The following NEK7 variants were observed in gnomAD, a reference collection of about 807,000 sequenced individuals.
NEK7 encodes serine/threonine-protein kinase Nek7.
Under a neutral mutation model 44.6 loss-of-function variants are expected in NEK7, and 18 were observed. The observed-to-expected ratio is 0.40, with a 90% CI of 0.28 to 0.60. The LOEUF (loss-of-function observed/expected upper bound fraction) is 0.60. Ranked by LOEUF, NEK7 falls within the 20% of genes least tolerant of loss-of-function variation. NEK7 has a pLI of 0.38. For missense variants in NEK7, 256 were observed against 366.5 expected (o/e 0.70, Z 2.46); for synonymous variants, 130 against 121.1 (o/e 1.07, Z -0.48).
intron 1 of NEK7, among the ~76,000 whole-genome samples, chr1:198,201,936 T>C (rs965382741): frequency 3.3e-5 from 5 of 152,214 alleles, no homozygotes; most frequent in African/African-American, 1.2e-4. Flanking sequence ...AACCCTTTGT[T>C]CAGCAATGGC....
At chr1:198,277,086 G>C (rs1455401142) in intron 5 of NEK7, among the ~76,000 whole-genome samples, 2 of 151,646 alleles carry the variant, frequency 1.3e-5, no homozygotes, top group African/African-American at 4.8e-5. Context: ...CTATTACAAT[G>C]CAATATTCAT....
intron 1 of NEK7, among the ~76,000 whole-genome samples, chr1:198,204,576 G>A (rs1213440869): frequency 6.6e-6 from 1 of 151,794 alleles, no homozygotes; most frequent in African/African-American, 2.4e-5. Flanking sequence ...AAAATTAGCC[G>A]GGCAAGGTGG....
intron 7 of NEK7, among the ~76,000 whole-genome samples, chr1:198,291,446 A>G (rs11580790): frequency 0.098 from 14,990 of 152,242 alleles, 1,035 homozygotes; most frequent in South Asian, 0.26. Context: ...CACAGTAATA[A>G]TACAGATTCT....
intron 2 of NEK7, among the ~76,000 whole-genome samples, chr1:198,250,855 A>G (rs539059979): frequency 9.3e-5 from 14 of 151,128 alleles, no homozygotes; most frequent in Admixed American, 7.3e-4. Flanking sequence ...CTCTTTTCCT[A>G]ATTGAATACC....
chr1:198,191,477 A>T (rs912912691), intron 1 of NEK7, among the ~76,000 whole-genome samples: 4 of 152,050 alleles, frequency 2.6e-5, no homozygotes, highest in African/African-American at 9.7e-5. Context: ...GTTAAAAAAA[A>T]TTAGGTTGAC....
chr1:198,228,832 C>A (rs1343728910), intron 1 of NEK7, among the ~76,000 whole-genome samples: 2 of 152,290 alleles, frequency 1.3e-5, no homozygotes, highest in Admixed American at 6.5e-5. Flanking sequence ...ATTTGACTTC[C>A]TCTTTTCCTA....
chr1:198,222,326 A>C (rs1666095471), intron 1 of NEK7, among the ~76,000 whole-genome samples: 1 of 152,164 alleles, frequency 6.6e-6, no homozygotes, highest in East Asian at 1.9e-4. Context: ...TAAACAACTA[A>C]TTGGTTTGAG....
At chr1:198,189,587 A>G (rs1339151393) in intron 1 of NEK7, among the ~76,000 whole-genome samples, 5 of 152,118 alleles carry the variant, frequency 3.3e-5, no homozygotes, top group Non-Finnish European at 7.4e-5. Flanking sequence ...ATATGTCATG[A>G]CCCACTTACA....
At chr1:198,301,346 C>G (rs371953044) in intron 9 of NEK7, among the ~76,000 whole-genome samples, 2 of 151,828 alleles carry the variant, frequency 1.3e-5, no homozygotes. Flanking sequence ...GTCAGGAGAT[C>G]GAGACCATCC....
chr1:198,311,794 G>C (rs1484155052), intron 9 of NEK7, among the ~76,000 whole-genome samples: 1 of 152,184 alleles, frequency 6.6e-6, no homozygotes, highest in African/African-American at 2.4e-5. Context: ...AAGCCCACTT[G>C]ATCATGGTGG....
chr1:198,200,124 A>G (rs1357398791), intron 1 of NEK7, among the ~76,000 whole-genome samples: 2 of 152,124 alleles, frequency 1.3e-5, no homozygotes, highest in African/African-American at 2.4e-5. Flanking sequence ...ACCTATTAAA[A>G]CCAATATTTA....
intron 5 of NEK7, among the ~76,000 whole-genome samples, chr1:198,267,583 A>G (rs1234669127): frequency 6.6e-6 from 1 of 152,002 alleles, no homozygotes; most frequent in East Asian, 1.9e-4. Flanking sequence ...AGCTAGGACT[A>G]CTGGTGTGCA....
rs184963453 is a variant in NEK7, at chr1:198,301,374, C to A, written c.798+4134C>A. On this transcript the variant is annotated intron_variant, in intron 9 of 9. Coordinates refer to ENST00000367385, the MANE Select transcript of NEK7 (RefSeq NM_133494.3). The stretch of plus-strand genomic sequence containing the variant: ...GACCATCCTGGCTAACACGGTGAAA[C>A]CCCGTCTCTACTAAAAATGCAACAA... Among the ~76,000 whole-genome samples, 303 of 152,242 alleles carry A rather than the reference C, an allele frequency of 2.0e-3. 8 individuals carry two copies. The East Asian group carries it at 0.051, about 26-fold the overall frequency.
chr1:198,230,309 T>C (rs1666348363), intron 1 of NEK7, among the ~76,000 whole-genome samples: 1 of 152,146 alleles, frequency 6.6e-6, no homozygotes, highest in African/African-American at 2.4e-5. Flanking sequence ...TTGAATCCAA[T>C]ACTGCATAAA....
intron 1 of NEK7, among the ~76,000 whole-genome samples, chr1:198,198,885 C>T (rs1012735955): frequency 6.6e-6 from 1 of 152,200 alleles, no homozygotes; most frequent in African/African-American, 2.4e-5. Context: ...GATATTTCAC[C>T]TCCCAATAAA....
At chr1:198,259,861 G>A (rs1463620288) in intron 3 of NEK7, among the ~76,000 whole-genome samples, 2 of 151,972 alleles carry the variant, frequency 1.3e-5, no homozygotes, top group Non-Finnish European at 1.5e-5. Flanking sequence ...ACGCATTCCT[G>A]CTTATATAAA....
chr1:198,315,162 A>G (rs539266404), intron 9 of NEK7, among the ~76,000 whole-genome samples: 3 of 152,260 alleles, frequency 2.0e-5, no homozygotes, highest in Non-Finnish European at 2.9e-5. Flanking sequence ...AGCCCGTCGG[A>G]AAAGCGCAGT....
At chr1:198,265,061 A>G (rs1011393158) in intron 5 of NEK7, among the ~76,000 whole-genome samples, 3 of 152,100 alleles carry the variant, frequency 2.0e-5, no homozygotes, top group African/African-American at 7.2e-5. Context: ...GCTCTGCTCT[A>G]TCAAGAGTAT....
chr1:198,159,338 G>C (rs1472248163), intron 1 of NEK7, among the ~76,000 whole-genome samples: 1 of 152,140 alleles, frequency 6.6e-6, no homozygotes, highest in East Asian at 1.9e-4. Flanking sequence ...GGGGGCTTCA[G>C]TTTTCCCTGA....
Sources: allele counts gnomAD v4.1 joint callset (sites outside exome capture counted in the v4.1 genomes callset), GRCh38; gene constraint gnomAD v4.1.1; transcripts MANE v1.5; gene names NCBI Gene and HGNC (gene_info 2026-07-23, HGNC 2026-07-21).